HIP1R: variants seen among roughly 807,000 people sequenced by gnomAD.
HIP1R encodes huntingtin interacting protein 1 related.
In HIP1R, 135 loss-of-function variants were observed where a neutral mutation model predicts 144.2. That is an observed-to-expected ratio of 0.94 (90% CI 0.81 to 1.08). The LOEUF is 1.08. Ranked by LOEUF, HIP1R falls within the 50% of genes least tolerant of loss-of-function variation. The probability of loss-of-function intolerance (pLI) is 0.00; values close to 1 mark genes in which losing one functional copy is unlikely to be tolerated. For synonymous variants in HIP1R, 698 were observed against 612.8 expected, an observed-to-expected ratio of 1.14 and a Z score of -2.05; for missense variants, 1,462 against 1,432.8, an observed-to-expected ratio of 1.02 and a Z score of -0.33.
chr12:122,835,037 A>G (rs1229583126), upstream of HIP1R: 5 of 1,273,124 alleles, frequency 3.9e-6, no homozygotes, highest in Non-Finnish European at 5.1e-6. Context: ...GGGAGAGGGA[A>G]TTGGCTGGGG....
chr12:122,843,860 T>C (rs758530220), intron 1 of HIP1R, among the ~76,000 whole-genome samples: 24 of 152,346 alleles, frequency 1.6e-4, no homozygotes, highest in Non-Finnish European at 2.5e-4. Context: ...ATTATTGTTT[T>C]GTTTTGTTTG....
chr12:122,839,133 G>T (rs968739674), intron 1 of HIP1R, among the ~76,000 whole-genome samples: 1 of 152,166 alleles, frequency 6.6e-6, no homozygotes, highest in South Asian at 2.1e-4. Flanking sequence ...TCCCTTCCTC[G>T]GCTGAAAAGT....
intron 9 of HIP1R, 23 bp from the exon 10 acceptor site, chr12:122,855,030 C>G: frequency 6.2e-7 from 1 of 1,613,828 alleles, no homozygotes. Flanking sequence ...TTCCTGAACC[C>G]GAACTTCCCA....
At chr12:122,844,119 A>G (rs55650312) in intron 1 of HIP1R, among the ~76,000 whole-genome samples, 4,975 of 151,830 alleles carry the variant, frequency 0.033, 121 homozygotes, top group South Asian at 0.061. Context: ...GATTACAGGC[A>G]TGAGCCACCA....
At chr12:122,850,007 C>G (rs1239922405) in intron 5 of HIP1R, 52 bp downstream of exon 5, 1 of 1,249,960 alleles carries the variant, frequency 8.0e-7, no homozygotes, top group Non-Finnish European at 1.2e-6. Flanking sequence ...GCTTTTCCCA[C>G]TGTGACGTTA....
chr12:122,841,972 C>T (rs1379937316), intron 1 of HIP1R, among the ~76,000 whole-genome samples: 1 of 152,138 alleles, frequency 6.6e-6, no homozygotes, highest in Non-Finnish European at 1.5e-5. Context: ...AGGGGAGATA[C>T]AGGTTAAATG....
At position 122,858,114 on chromosome 12, in the gene HIP1R, C is replaced by G; in HGVS notation, c.1828C>G (p.Gln610Glu). The G allele has an allele frequency of 6.3e-7, 1 of 1,587,436 alleles. No homozygotes were observed. Among genetic ancestry groups the G allele is most frequent in the Non-Finnish European group, 8.6e-7 (1 of 1,169,066 alleles). The change falls in exon 19 of 32, where the codon CAG becomes GAG. Residue 610 changes from glutamine (Q) to glutamate (E), a missense_variant. Around this residue, in one of 2 missense-constraint regions of HIP1R, gnomAD observed 1,112 missense variants for 1,011.7 expected, o/e 1.10. Coordinates refer to ENST00000253083, the MANE Select transcript of HIP1R (RefSeq NM_003959.3). ...CCCCCATTGCCAGGAGTCTCAGGAG[C>G]AGGGGCTGCGGCAGAGGCTGCTGGA... ...GRLAERESQE[Q>E]GLRQRLLDEQ...
chr12:122,850,217 G>A, intron 5 of HIP1R: 1 of 621,270 alleles, frequency 1.6e-6, no homozygotes, highest in South Asian at 1.5e-5. Flanking sequence ...GGCTTCCTCA[G>A]TCTCTGCTGT....
rs1005505744 is a variant in HIP1R at position 122,859,401 on chromosome 12, C to T, written c.2296-25C>T. 9 of 1,588,768 alleles carry T rather than the reference C, an allele frequency of 5.7e-6. No homozygotes were observed. The Admixed American group carries it at 1.5e-4, about 27-fold the overall frequency. ...GGGACGGGGGGGGACGGAGGCTACCCCTGTCTGACTCCCATCCTCACCAGG... is the reference window on the plus strand; with the variant it reads ...GGGACGGGGGGGGACGGAGGCTACCTCTGTCTGACTCCCATCCTCACCAGG... On this transcript the variant is annotated intron_variant, in intron 22 of 31. Coordinates refer to ENST00000253083, the MANE Select transcript of HIP1R (RefSeq NM_003959.3).
In HIP1R at chr12:122,852,240, G is replaced by T. The variant is rs529799138; in HGVS notation, c.577+943G>T. Among the ~76,000 whole-genome samples the T allele has an allele frequency of 7.2e-5, 11 of 152,370 alleles. No homozygotes were observed. The South Asian group carries it at 2.1e-3, about 29-fold the overall frequency. ...CCAGTGCAGCTGGGCGAGCCTGATG[G>T]GTATTCAGTTCCAGTGGGTGGGAGG... On this transcript the variant is annotated intron_variant, in intron 7 of 31. Coordinates refer to ENST00000253083, the MANE Select transcript of HIP1R (RefSeq NM_003959.3).
intron 3 of HIP1R, 80 bp from the exon 4 acceptor site, chr12:122,848,716 C>G (rs1414751545): frequency 3.1e-6 from 5 of 1,598,074 alleles, no homozygotes; most frequent in Non-Finnish European, 3.4e-6. Context: ...TTCCTCCCGC[C>G]TCGGGTGGGG....
intron 18 of HIP1R, 118 bp from the exon 19 acceptor site, chr12:122,857,984 T>G: frequency 1.2e-6 from 1 of 855,502 alleles, no homozygotes; most frequent in Non-Finnish European, 1.8e-6. Context: ...TCCACCCCCC[T>G]GACCAGTGAG....
chr12:122,848,170 G>A, intron 2 of HIP1R, 76 bp downstream of exon 2: 12 of 1,494,238 alleles, frequency 8.0e-6, no homozygotes, highest in Non-Finnish European at 1.1e-5. Flanking sequence ...GTGGCCTGCG[G>A]TCAGCTGTGC....
rs2032672603 is a variant in HIP1R, at chr12:122,862,748, G to A, written c.*995G>A. 6.6e-6 allele frequency: 1 copy of A among 152,006 alleles called. No individual in the cohort carries two copies. Among genetic ancestry groups the A allele is most frequent in the South Asian group, 2.1e-4 (1 of 4,814 alleles). The allele number at this position is 152,006 out of a possible 1,614,324, so 9.4% of individuals were successfully genotyped here. On this transcript the variant is annotated 3_prime_UTR_variant, in exon 32 of 32. Transcript: ENST00000253083. Reference sequence around the variant, plus strand: ...CGGCAGGAGGGGTGGGACCAGGCTGGGAGGACAGAGCCAGCAGCTGCCATG... The same window carrying A: ...CGGCAGGAGGGGTGGGACCAGGCTGAGAGGACAGAGCCAGCAGCTGCCATG...
chr12:122,856,424 C>A lies in HIP1R; in HGVS notation c.1402-8C>A, dbSNP rs987000368. On this transcript the variant is annotated splice_polypyrimidine_tract_variant and splice_region_variant and intron_variant, in intron 15 of 31. Coordinates refer to ENST00000253083, the MANE Select transcript of HIP1R (RefSeq NM_003959.3). Reference sequence around the variant, plus strand: ...AGCAGAGCATGAGCCCTTCCCCTGCCCATGCAGAACGCGGACACAGCCAAG... The same window carrying A: ...AGCAGAGCATGAGCCCTTCCCCTGCACATGCAGAACGCGGACACAGCCAAG... The A allele has an allele frequency of 6.3e-7, 1 of 1,599,286 alleles. No individual in the cohort carries two copies.
intron 7 of HIP1R, among the ~76,000 whole-genome samples, chr12:122,853,275 G>A (rs1235047752): frequency 3.4e-5 from 4 of 116,390 alleles, no homozygotes; most frequent in African/African-American, 1.0e-4. Flanking sequence ...ACGGGCCCTG[G>A]GGGTGTCAGG....
At chr12:122,846,111 C>T (rs913543535) in intron 1 of HIP1R, among the ~76,000 whole-genome samples, 2 of 152,202 alleles carry the variant, frequency 1.3e-5, no homozygotes, top group African/African-American at 2.4e-5. Flanking sequence ...TTACACACCC[C>T]GGAGACGGAC....
Position 122,856,308 on chromosome 12 carries a change from T to C in HIP1R, c.1365T>C (p.Ser455=). The C allele has an allele frequency of 6.2e-7, 1 of 1,613,808 alleles. No individual in the cohort carries two copies. The highest frequency in any genetic ancestry group is 8.5e-7 in the Non-Finnish European group (1 of 1,179,976). The change falls in exon 15 of 32, where the codon AGT becomes AGC. Residue 455 remains serine (S), a synonymous_variant. Coordinates refer to ENST00000253083, the MANE Select transcript of HIP1R (RefSeq NM_003959.3). ...ARYNKLKEKH[S]ELVHVHAELL... Reference sequence around the variant, plus strand: ...ACAACAAGCTGAAGGAAAAGCACAGTGAGCTCGTCCATGTGCACGCGGAGC... The same window carrying C: ...ACAACAAGCTGAAGGAAAAGCACAGCGAGCTCGTCCATGTGCACGCGGAGC...
At chr12:122,847,928 AC>A in intron 1 of HIP1R, 102 bp from the exon 2 acceptor site, 2 of 1,094,180 alleles carry the variant, frequency 1.8e-6, no homozygotes, top group Non-Finnish European at 2.7e-6. Context: ...CTGGCCTTGA[AC>A]CCAGGCAGAA....
Sources: allele counts gnomAD v4.1 joint callset (sites outside exome capture counted in the v4.1 genomes callset), GRCh38; gene constraint gnomAD v4.1.1; regional missense constraint gnomAD v4.1.1; transcripts MANE v1.5; gene names NCBI Gene and HGNC (gene_info 2026-07-23, HGNC 2026-07-21).